DMXL1: variants seen among roughly 807,000 people sequenced by gnomAD.
DMXL1 encodes Dmx like 1.
In DMXL1, 99 loss-of-function variants were observed where a neutral mutation model predicts 319.2. That is an observed-to-expected ratio of 0.31 (90% CI 0.26 to 0.37). The LOEUF (loss-of-function observed/expected upper bound fraction) is 0.37, where lower values mean the gene tolerates loss of function less well. Among genes scored for constraint, DMXL1 ranks in the 10% least tolerant of loss-of-function variants. DMXL1 has a pLI of 1.00. For missense variants in DMXL1, 3,745 were observed against 3,595.6 expected (o/e 1.04, Z -1.06); for synonymous variants, 1,385 against 1,235.2 (o/e 1.12, Z -2.54).
In DMXL1 at chr5:119,103,096, T is replaced by TA. The variant is rs201265021; in HGVS notation, c.285+1099dup. Reference sequence around the variant, plus strand: ...AAAATTAAAAGATTTTTTTTTTTTTTAAAAAAAAAGAAAGAGCAGTGTATT... The same window carrying TA: ...AAAATTAAAAGATTTTTTTTTTTTTTAAAAAAAAAAGAAAGAGCAGTGTATT... On this transcript the variant is annotated intron_variant, in intron 3 of 43. Transcript: ENST00000539542. Among the ~76,000 whole-genome samples, 933 of 149,474 alleles carry TA rather than the reference T, an allele frequency of 6.2e-3. 11 individuals carry two copies. The highest frequency in any genetic ancestry group is 0.045 in the East Asian group (233 of 5,150).
intron 13 of DMXL1, among the ~76,000 whole-genome samples, chr5:119,135,976 T>C (rs1407741114): frequency 6.6e-6 from 1 of 152,166 alleles, no homozygotes; most frequent in African/African-American, 2.4e-5. Context: ...TGGAATAGTT[T>C]GGAGGGCTCA....
In DMXL1 at chr5:119,170,929, T is replaced by C; in HGVS notation, c.6138T>C (p.Thr2046=). 6.2e-7 allele frequency: 1 copy of C among 1,613,678 alleles called. No homozygotes were observed. Among genetic ancestry groups the C allele is most frequent in the Non-Finnish European group, 8.5e-7 (1 of 1,179,898 alleles). Residue 2046 remains threonine (T), a synonymous_variant, in exon 24 of 44, where the codon ACT becomes ACC. Coordinates refer to ENST00000539542, the MANE Select transcript of DMXL1 (RefSeq NM_001290321.3). ...CAGTAGAACTTCGTACTTTATCTAC[T>C]GGCTATGAAATAGATGGTGGAAAAT... ...ILTVELRTLS[T]GYEIDGGKLR...
At chr5:119,103,967 G>A (rs1461692992) in intron 3 of DMXL1, among the ~76,000 whole-genome samples, 1 of 152,178 alleles carries the variant, frequency 6.6e-6, no homozygotes, top group Admixed American at 6.5e-5. Flanking sequence ...TGACTTTGCA[G>A]AAAGGACAAT....
chr5:119,170,736 C>G lies in DMXL1; in HGVS notation c.5945C>G (p.Ser1982Ter), dbSNP rs1288956351. 6.2e-7 allele frequency: 1 copy of G among 1,612,302 alleles called. No homozygotes were observed. Among genetic ancestry groups the G allele is most frequent in the Non-Finnish European group, 8.5e-7 (1 of 1,179,658 alleles). The change falls in exon 24 of 44, where the codon TCA becomes TGA. Residue 1982 changes from serine (S) to a stop codon, truncating the protein, a stop_gained. Transcript: ENST00000539542. LOFTEE classifies it high-confidence loss of function. The part of the protein sequence containing the change: ...NDEENEDVPI[S>*]MKELKPLQRK... ...GAAGAAAATGAGGATGTCCCTATTT[C>G]AATGAAAGAACTAAAACCTTTACAG...
chr5:119,170,722 G>A lies in DMXL1; in HGVS notation c.5931G>A (p.Glu1977=), dbSNP rs1261493297. ...ACAGTGATAATGATGAAGAAAATGAGGATGTCCCTATTTCAATGAAAGAAC... is the reference window on the plus strand; with the variant it reads ...ACAGTGATAATGATGAAGAAAATGAAGATGTCCCTATTTCAATGAAAGAAC... ...KWDSDNDEEN[E]DVPISMKELK... Residue 1977 remains glutamate, a synonymous_variant, in exon 24 of 44, where the codon GAG becomes GAA. Transcript: ENST00000539542. 16 of 1,612,718 alleles carry A rather than the reference G, an allele frequency of 9.9e-6. No individual in the cohort carries two copies. The South Asian group carries it at 1.5e-4, about 16-fold the overall frequency.
chr5:119,177,390 A>G lies in DMXL1; in HGVS notation c.6792A>G (p.Val2264=), dbSNP rs540957052. The change falls in exon 27 of 44, where the codon GTA becomes GTG. Residue 2264 remains valine, a synonymous_variant. Transcript: ENST00000539542. ...SFQTNQFTGM[V]YQTVLLPHRP... is the part of the protein sequence containing the mutation. ...AGACGAATCAGTTTACTGGAATGGT[A>G]TATCAGACAGTACTGCTTCCTCATC... 10 of 1,596,404 alleles carry G rather than the reference A, an allele frequency of 6.3e-6. No homozygotes were observed. Among genetic ancestry groups the G allele is most frequent in the East Asian group, 4.5e-5 (2 of 44,296 alleles).
At chr5:119,215,455 G>A (rs1345529949) in intron 34 of DMXL1, among the ~76,000 whole-genome samples, 4 of 151,902 alleles carry the variant, frequency 2.6e-5, no homozygotes, top group Non-Finnish European at 5.9e-5. Flanking sequence ...TTACCGATGC[G>A]CACCATCACG....
intron 5 of DMXL1, among the ~76,000 whole-genome samples, chr5:119,112,032 C>G (rs998185468): frequency 1.1e-4 from 16 of 152,122 alleles, no homozygotes; most frequent in African/African-American, 3.4e-4. Flanking sequence ...GTGATCTCAG[C>G]TCACTGCAAG....
At chr5:119,204,073 C>T (rs1477347321) in intron 33 of DMXL1, among the ~76,000 whole-genome samples, 1 of 152,160 alleles carries the variant, frequency 6.6e-6, no homozygotes, top group East Asian at 1.9e-4. Context: ...CCACCCGCCT[C>T]AGCCTCCCAA....
At chr5:119,103,332 A>G (rs983658414) in intron 3 of DMXL1, among the ~76,000 whole-genome samples, 2 of 152,326 alleles carry the variant, frequency 1.3e-5, no homozygotes, top group South Asian at 2.1e-4. Flanking sequence ...ATACCTTTAT[A>G]TATCTTTTGA....
intron 3 of DMXL1, among the ~76,000 whole-genome samples, chr5:119,103,914 G>A (rs999981259): frequency 1.2e-4 from 19 of 152,056 alleles, no homozygotes; most frequent in African/African-American, 4.4e-4. Flanking sequence ...TGAATGTAAT[G>A]TATAAAACTC....
At chr5:119,175,050 G>C (rs1473538087) in intron 25 of DMXL1, among the ~76,000 whole-genome samples, 1 of 152,120 alleles carries the variant, frequency 6.6e-6, no homozygotes, top group Admixed American at 6.6e-5. Context: ...TATAATTTCT[G>C]CTGAAGACTT....
intron 32 of DMXL1, among the ~76,000 whole-genome samples, chr5:119,201,684 G>A (rs141309330): frequency 2.6e-5 from 4 of 152,226 alleles, no homozygotes; most frequent in South Asian, 2.1e-4. Flanking sequence ...ATTTGGCTGC[G>A]AATCCATCTG....
At chr5:119,125,589 A>T (rs1763348186) in intron 9 of DMXL1, among the ~76,000 whole-genome samples, 1 of 152,042 alleles carries the variant, frequency 6.6e-6, no homozygotes, top group South Asian at 2.1e-4. Context: ...TTTTGAGATG[A>T]AGTCTCACTC....
chr5:119,240,358 GA>G, intron 41 of DMXL1, 60 bp from the exon 42 acceptor site: 2 of 1,208,826 alleles, frequency 1.7e-6, no homozygotes, highest in Non-Finnish European at 2.4e-6. Context: ...AGTTATATAT[GA>G]CATATTTTTT....
Position 119,148,476 on chromosome 5 carries a change from A to G in DMXL1, c.2912-263A>G, listed in dbSNP as rs535055736. 9.5e-4 allele frequency among the ~76,000 whole-genome samples: 145 copies of G among 152,068 alleles called. 1 individual carries two copies. The highest frequency in any genetic ancestry group is 3.4e-3 in the African/African-American group (141 of 41,470). On this transcript the variant is annotated intron_variant, in intron 17 of 43. Coordinates refer to ENST00000539542, the MANE Select transcript of DMXL1 (RefSeq NM_001290321.3). ...TAAATTATCTCAGAGTTCCCTTTCA[A>G]CTCTAGGTTTTGGTGATACTTTCTT...
chr5:119,075,434 T>G (rs1750619039), intron 1 of DMXL1, among the ~76,000 whole-genome samples: 1 of 151,876 alleles, frequency 6.6e-6, no homozygotes, highest in Non-Finnish European at 1.5e-5. Flanking sequence ...GAGACGGGTT[T>G]CATCATGTTG....
At chr5:119,138,485 A>G (rs1456463519) in intron 13 of DMXL1, among the ~76,000 whole-genome samples, 1 of 152,194 alleles carries the variant, frequency 6.6e-6, no homozygotes, top group African/African-American at 2.4e-5. Flanking sequence ...AGTTGTCAGC[A>G]TATAAATTTG....
chr5:119,108,544 C>T (rs566840707), intron 4 of DMXL1, among the ~76,000 whole-genome samples: 1 of 152,216 alleles, frequency 6.6e-6, no homozygotes, highest in African/African-American at 2.4e-5. Context: ...TCACCTCAGC[C>T]TCCCTAGTGT....
Sources: gnomAD v4.1 joint callset for allele counts (sites outside exome capture counted in the v4.1 genomes callset) on GRCh38, gnomAD v4.1.1 for gene constraint, MANE v1.5 for transcripts, NCBI Gene and HGNC (gene_info 2026-07-23, HGNC 2026-07-21) for gene names.